Variants in ZCCHC7 observed in about 807,000 individuals in gnomAD.
ZCCHC7 encodes zinc finger CCHC-type containing 7.
ZCCHC7 carries 35 observed loss-of-function variants against 52.0 expected under a neutral mutation model. The observed-to-expected ratio is 0.67, with a 90% CI of 0.51 to 0.89. The LOEUF (loss-of-function observed/expected upper bound fraction) is 0.89. ZCCHC7 is among the 40% of genes least tolerant of loss of function. The pLI, the probability that ZCCHC7 is intolerant of heterozygous loss-of-function variation, is 0.00. For missense variants in ZCCHC7, 574 were observed against 649.1 expected (o/e 0.88, Z 1.26); for synonymous variants, 217 against 221.5 (o/e 0.98, Z 0.18).
At chr9:37,196,916 G>T (rs927400212) in intron 2 of ZCCHC7, among the ~76,000 whole-genome samples, 1 of 151,896 alleles carries the variant, frequency 6.6e-6, no homozygotes, top group Admixed American at 6.6e-5. Context: ...TAAAGCTCTT[G>T]TATTAATGAC....
chr9:37,145,830 A>G (rs1843407140), intron 2 of ZCCHC7, among the ~76,000 whole-genome samples: 1 of 151,920 alleles, frequency 6.6e-6, no homozygotes. Flanking sequence ...TTGTTCCTAT[A>G]AATTGAATTG....
At chr9:37,349,169 A>G (rs919873112) in intron 6 of ZCCHC7, among the ~76,000 whole-genome samples, 188 bp from the exon 7 acceptor site, 1 of 152,248 alleles carries the variant, frequency 6.6e-6, no homozygotes, top group African/African-American at 2.4e-5. Flanking sequence ...ACACATTGAC[A>G]TTAAGAGTAA....
intron 2 of ZCCHC7, among the ~76,000 whole-genome samples, chr9:37,258,757 T>TAAAAAAAAAA (rs5897683): frequency 3.4e-4 from 19 of 55,366 alleles, no homozygotes; most frequent in African/African-American, 1.3e-3. Flanking sequence ...TCCTGTCTCT[T>TAAAAAAAAAA]AAAAAAAAAA....
At chr9:37,167,842 C>G (rs7847215) in intron 2 of ZCCHC7, among the ~76,000 whole-genome samples, 81,571 of 151,976 alleles carry the variant, frequency 0.54, 22,352 homozygotes, top group African/African-American at 0.63. Context: ...TTTGCAGTCT[C>G]ACTGGTGGAA....
intron 2 of ZCCHC7, among the ~76,000 whole-genome samples, chr9:37,289,982 A>G (rs755507417): frequency 6.6e-6 from 1 of 152,160 alleles, no homozygotes; most frequent in Non-Finnish European, 1.5e-5. Flanking sequence ...TATTCTGTCT[A>G]CCCTATGTAA....
chr9:37,176,517 T>C (rs1822040749), intron 2 of ZCCHC7, among the ~76,000 whole-genome samples: 1 of 152,094 alleles, frequency 6.6e-6, no homozygotes, highest in Non-Finnish European at 1.5e-5. Context: ...CAGACTTTTG[T>C]GGTCTTCATG....
chr9:37,291,750 A>G (rs1408878390), intron 2 of ZCCHC7, among the ~76,000 whole-genome samples: 4 of 151,968 alleles, frequency 2.6e-5, no homozygotes, highest in Admixed American at 2.0e-4. Flanking sequence ...CTGGAGTGCA[A>G]TGGTGCAATC....
At chr9:37,149,268 A>G (rs1461892214) in intron 2 of ZCCHC7, among the ~76,000 whole-genome samples, 2 of 152,192 alleles carry the variant, frequency 1.3e-5, no homozygotes, top group Non-Finnish European at 2.9e-5. Flanking sequence ...GTACTCTTTA[A>G]TTTATAGTTC....
intron 2 of ZCCHC7, among the ~76,000 whole-genome samples, chr9:37,204,523 A>G (rs1223699866): frequency 6.6e-6 from 1 of 152,204 alleles, no homozygotes; most frequent in African/African-American, 2.4e-5. Flanking sequence ...TTTTCTGTAT[A>G]TGGCTAGACA....
rs184853896 is a variant in ZCCHC7 at position 37,155,135 on chromosome 9, C to T, written c.610+28193C>T. On this transcript the variant is annotated intron_variant, in intron 2 of 8. Transcript: ENST00000336755. ...CAGCACTTTGGGAGGCCAAGGCGGG[C>T]GGATCATGAGGTCAGGAGATCGAGA... Among the ~76,000 whole-genome samples the T allele has an allele frequency of 4.1e-4, 63 of 152,122 alleles. No individual in the cohort carries two copies. In the East Asian group the frequency reaches 0.011, roughly 27 times the overall value.
intron 2 of ZCCHC7, among the ~76,000 whole-genome samples, chr9:37,193,207 T>C (rs1320004161): frequency 6.6e-6 from 1 of 152,182 alleles, no homozygotes; most frequent in African/African-American, 2.4e-5. Context: ...TTTGTATTGC[T>C]GAAATTTAAA....
chr9:37,142,598 T>C (rs900856638), intron 2 of ZCCHC7, among the ~76,000 whole-genome samples: 3 of 151,830 alleles, frequency 2.0e-5, no homozygotes, highest in Non-Finnish European at 4.4e-5. Flanking sequence ...TCAGTGAGTT[T>C]CAAACTAAGA....
chr9:37,265,142 G>C (rs962920887), intron 2 of ZCCHC7, among the ~76,000 whole-genome samples: 4 of 152,098 alleles, frequency 2.6e-5, no homozygotes, highest in African/African-American at 7.2e-5. Flanking sequence ...CTTTGAGAAA[G>C]GAATCTTTCA....
At chr9:37,344,727 T>C (rs1175153011) in intron 6 of ZCCHC7, among the ~76,000 whole-genome samples, 1 of 150,808 alleles carries the variant, frequency 6.6e-6, no homozygotes, top group Non-Finnish European at 1.5e-5. Flanking sequence ...ATATTTTGTA[T>C]GTTTGTGTAT....
At chr9:37,240,879 A>G (rs1352999247) in intron 2 of ZCCHC7, among the ~76,000 whole-genome samples, 1 of 151,964 alleles carries the variant, frequency 6.6e-6, no homozygotes, top group African/African-American at 2.4e-5. Flanking sequence ...GCAATAAAAT[A>G]TTGACGTAAA....
chr9:37,160,787 G>A (rs1324169612), intron 2 of ZCCHC7, among the ~76,000 whole-genome samples: 1 of 152,054 alleles, frequency 6.6e-6, no homozygotes, highest in Non-Finnish European at 1.5e-5. Flanking sequence ...TCGGGAGGCT[G>A]AGGAAGGAGA....
rs746213485 is a variant in ZCCHC7, at chr9:37,344,652, T to TA, written c.988-4703dup. On this transcript the variant is annotated intron_variant, in intron 6 of 8. Coordinates refer to ENST00000336755, the MANE Select transcript of ZCCHC7 (RefSeq NM_032226.3). The stretch of plus-strand genomic sequence containing the variant: ...TGAGGCTTCCCCCAAAAAGTCAATC[T>TA]AAGTCATCACTAGTGATTCTCATTC... Among the ~76,000 whole-genome samples, 9 of 152,310 alleles carry TA rather than the reference T, an allele frequency of 5.9e-5. No homozygotes were observed. The South Asian group carries it at 1.9e-3, about 32-fold the overall frequency.
At chr9:37,325,242 T>C (rs1318324938) in intron 5 of ZCCHC7, among the ~76,000 whole-genome samples, 2 of 152,228 alleles carry the variant, frequency 1.3e-5, no homozygotes, top group Admixed American at 1.3e-4. Context: ...ACTTTGTATG[T>C]TTTCAGTTGT....
chr9:37,120,665 G>C, intron 1 of ZCCHC7, 42 bp downstream of exon 1: 1 of 387,680 alleles, frequency 2.6e-6, no homozygotes, highest in Non-Finnish European at 4.6e-6. Context: ...CGCGGCTCGG[G>C]ACCCCTGCCT....
Sources: allele counts gnomAD v4.1 joint callset (sites outside exome capture counted in the v4.1 genomes callset), GRCh38; gene constraint gnomAD v4.1.1; transcripts MANE v1.5; gene names NCBI Gene and HGNC (gene_info 2026-07-23, HGNC 2026-07-21).